Variants in IL1RAPL2 observed in about 807,000 individuals in gnomAD.
The protein encoded by IL1RAPL2 is interleukin 1 receptor accessory protein like 2.
Under a neutral mutation model 44.1 loss-of-function variants are expected in IL1RAPL2, and 3 were observed. That is an observed-to-expected ratio of 0.07 (90% CI 0.03 to 0.18). The LOEUF is 0.18. IL1RAPL2 is among the 10% of genes least tolerant of loss of function. IL1RAPL2 has a pLI of 1.00. For missense variants in IL1RAPL2, 391 were observed against 496.4 expected (o/e 0.79, Z 2.02); for synonymous variants, 181 against 178.8 (o/e 1.01, Z -0.10).
At chrX:104,586,321 C>T (rs1480377581) in intron 1 of IL1RAPL2, among the ~76,000 whole-genome samples, 2 of 111,257 alleles carry the variant, frequency 1.8e-5, no homozygotes, top group Non-Finnish European at 3.8e-5. Context: ...TTTGTTTAAT[C>T]CTTATAGATT....
At chrX:104,648,934 T>A (rs1443685680) in intron 1 of IL1RAPL2, among the ~76,000 whole-genome samples, 5 of 111,349 alleles carry the variant, frequency 4.5e-5, no homozygotes, top group African/African-American at 1.6e-4. Context: ...TATACTTGCT[T>A]CTCCTTGCAT....
chrX:105,404,484 G>A (rs2035628142), intron 5 of IL1RAPL2, among the ~76,000 whole-genome samples: 2 of 111,477 alleles, frequency 1.8e-5, no homozygotes, highest in Admixed American at 9.5e-5. Flanking sequence ...TTCATTAAAG[G>A]ATGATGCTTT....
chrX:104,707,191 C>T (rs1931376526), intron 2 of IL1RAPL2, among the ~76,000 whole-genome samples: 1 of 111,084 alleles, frequency 9.0e-6, no homozygotes, highest in Admixed American at 9.6e-5. Flanking sequence ...CTTGTAAATT[C>T]AATTAGTCGG....
At chrX:104,894,270 G>T (rs909824649) in intron 2 of IL1RAPL2, among the ~76,000 whole-genome samples, 3 of 111,292 alleles carry the variant, frequency 2.7e-5, no homozygotes, top group Non-Finnish European at 5.6e-5. Flanking sequence ...TCTTGGAGTT[G>T]CTCTTCTCGA....
intron 10 of IL1RAPL2, among the ~76,000 whole-genome samples, chrX:105,760,284 T>A (rs749894288): frequency 1.8e-5 from 2 of 111,753 alleles, no homozygotes; most frequent in East Asian, 5.6e-4. Flanking sequence ...GATAAGATTG[T>A]CTTAAGTACT....
intron 1 of IL1RAPL2, among the ~76,000 whole-genome samples, chrX:104,629,904 A>G (rs1247403911): frequency 8.9e-5 from 10 of 112,108 alleles, no homozygotes. Flanking sequence ...TTTTATACCA[A>G]TAACGTGCTA....
At chrX:105,049,607 T>C (rs916511870) in intron 2 of IL1RAPL2, among the ~76,000 whole-genome samples, 6 of 111,690 alleles carry the variant, frequency 5.4e-5, no homozygotes, top group African/African-American at 2.0e-4. Flanking sequence ...AATTCAGCCC[T>C]TAACAAATCT....
intron 1 of IL1RAPL2, among the ~76,000 whole-genome samples, chrX:104,610,410 AG>A (rs1929126994): frequency 1.8e-5 from 2 of 112,021 alleles, no homozygotes; most frequent in Non-Finnish European, 3.8e-5. Context: ...AATCTCCTTA[AG>A]CTGATAAGCA....
intron 2 of IL1RAPL2, among the ~76,000 whole-genome samples, chrX:105,077,129 C>T (rs140533472): frequency 0.063 from 6,982 of 111,047 alleles, 602 homozygotes; most frequent in African/African-American, 0.22. Flanking sequence ...ATGCAGTTTC[C>T]TCCTAGCCTT....
intron 7 of IL1RAPL2, among the ~76,000 whole-genome samples, chrX:105,727,815 T>G (rs1453706491): frequency 9.0e-6 from 1 of 111,672 alleles, no homozygotes; most frequent in Non-Finnish European, 1.9e-5. Flanking sequence ...TTAAAACATC[T>G]GTTTAATGGC....
At chrX:105,748,535 AAAG>A (rs2038569388) in intron 8 of IL1RAPL2, among the ~76,000 whole-genome samples, 1 of 112,206 alleles carries the variant, frequency 8.9e-6, no homozygotes, top group Non-Finnish European at 1.9e-5. Context: ...TTGTTCTGCA[AAAG>A]AATAGGGCCT....
intron 2 of IL1RAPL2, among the ~76,000 whole-genome samples, chrX:104,859,590 G>T (rs139283655): frequency 0.022 from 2,458 of 111,857 alleles, 35 homozygotes; most frequent in Non-Finnish European, 0.033. Context: ...TTAATGGTAG[G>T]TGCTATGATT....
chrX:104,730,244 T>G (rs1436487622), intron 2 of IL1RAPL2, among the ~76,000 whole-genome samples: 6 of 110,318 alleles, frequency 5.4e-5, no homozygotes, highest in African/African-American at 2.0e-4. Context: ...TTATTATACT[T>G]TAAGTTTTAG....
At chrX:105,001,152 A>G (rs1569358649) in intron 2 of IL1RAPL2, among the ~76,000 whole-genome samples, 1 of 111,211 alleles carries the variant, frequency 9.0e-6, no homozygotes, top group Non-Finnish European at 1.9e-5. Context: ...TGTGCCTGAC[A>G]CCCTCTGGAA....
At chrX:105,011,317 A>C (rs1246286822) in intron 2 of IL1RAPL2, among the ~76,000 whole-genome samples, 2 of 111,576 alleles carry the variant, frequency 1.8e-5, no homozygotes, top group African/African-American at 6.5e-5. Context: ...ATATCTCTGA[A>C]AAATGTTTCA....
chrX:105,328,194 A>G (rs1024171644), intron 5 of IL1RAPL2, among the ~76,000 whole-genome samples: 4 of 112,086 alleles, frequency 3.6e-5, no homozygotes, highest in Admixed American at 9.5e-5. Flanking sequence ...CCCTTTGTCA[A>G]ATTCTTTTCT....
chrX:104,576,391 AT>A, intron 1 of IL1RAPL2, among the ~76,000 whole-genome samples: 1 of 112,197 alleles, frequency 8.9e-6, no homozygotes. Context: ...TAATCACAAA[AT>A]ATATGATATT....
chrX:104,704,554 TC>T (rs1382032871), intron 2 of IL1RAPL2, among the ~76,000 whole-genome samples: 1 of 111,381 alleles, frequency 9.0e-6, no homozygotes, highest in Non-Finnish European at 1.9e-5. Flanking sequence ...TCTAAGGAAA[TC>T]CAGAGTGCAG....
chrX:104,802,036 A>T (rs1455871955), intron 2 of IL1RAPL2, among the ~76,000 whole-genome samples: 1 of 111,278 alleles, frequency 9.0e-6, no homozygotes, highest in Non-Finnish European at 1.9e-5. Flanking sequence ...CAGCCTAAGG[A>T]AAACAGCATC....
Sources: allele counts gnomAD v4.1 joint callset (sites outside exome capture counted in the v4.1 genomes callset), GRCh38; gene constraint gnomAD v4.1.1; transcripts MANE v1.5; gene names NCBI Gene and HGNC (gene_info 2026-07-23, HGNC 2026-07-21).